SIN3B: variants seen among roughly 807,000 people sequenced by gnomAD.
SIN3B encodes the protein SIN3 transcription regulator family member B.
Under a neutral mutation model 120.2 loss-of-function variants are expected in SIN3B, and 19 were observed. That is an observed-to-expected ratio of 0.16 (90% CI 0.11 to 0.23). The LOEUF (loss-of-function observed/expected upper bound fraction) is 0.23, where lower values mean the gene tolerates loss of function less well. SIN3B is among the 10% of genes least tolerant of loss of function. The probability of loss-of-function intolerance (pLI) is 1.00; values close to 1 mark genes in which losing one functional copy is unlikely to be tolerated. For missense variants in SIN3B, 1,073 were observed against 1,573.0 expected, an observed-to-expected ratio of 0.68 and a Z score of 5.38; for synonymous variants, 654 against 653.2, an observed-to-expected ratio of 1.00 and a Z score of -0.02.
Position 16,865,642 on chromosome 19 carries a change from T to C in SIN3B, c.1616T>C (p.Leu539Pro). 2 of 1,599,160 alleles carry C rather than the reference T, an allele frequency of 1.3e-6. No homozygotes were observed. The stretch of plus-strand genomic sequence containing the variant: ...CCTGTCACCGCTGTCCCCGTTGTCC[T>C]GAAAAGGTGCCCTGTGGCGTCCCGA... The part of the protein sequence containing the change: ...KNPVTAVPVV[L>P]KRLKAKEEEW... The change falls in exon 11 of 19, where the codon CTG becomes CCG. Residue 539 changes from leucine (L) to proline (P), a missense_variant. By Grantham distance (98) the Leu-to-Pro change is moderately conservative. This residue lies in a region of SIN3B where 118 missense variants were observed against 281.6 expected (regional missense o/e 0.42). Coordinates refer to ENST00000248054, the MANE Select transcript of SIN3B (RefSeq NM_001297595.2).
intron 5 of SIN3B, among the ~76,000 whole-genome samples, chr19:16,848,472 G>A (rs921546135): frequency 2.9e-4 from 42 of 144,072 alleles, no homozygotes; most frequent in Non-Finnish European, 1.2e-4. Context: ...AGCCATCAGT[G>A]TGTGAAGTTT....
At chr19:16,870,957 C>G (rs1448173778) in intron 13 of SIN3B, among the ~76,000 whole-genome samples, 1 of 152,188 alleles carries the variant, frequency 6.6e-6, no homozygotes, top group Non-Finnish European at 1.5e-5. Flanking sequence ...TCCCCAAGTG[C>G]TGGGATTACA....
At chr19:16,878,413 C>A in intron 18 of SIN3B, 23 bp downstream of exon 18, 1 of 1,600,198 alleles carries the variant, frequency 6.2e-7, no homozygotes, top group Non-Finnish European at 8.5e-7. Context: ...GCCTGGGCTG[C>A]CCCGACATGC....
At chr19:16,872,369 A>G (rs1468955726) in intron 14 of SIN3B, 1 of 151,844 alleles carries the variant, frequency 6.6e-6, no homozygotes, top group Non-Finnish European at 1.5e-5. Context: ...TCATCAACAG[A>G]ACCCCTGCCC....
chr19:16,849,599 T>C (rs1302970723), intron 5 of SIN3B, among the ~76,000 whole-genome samples: 1 of 152,194 alleles, frequency 6.6e-6, no homozygotes, highest in Non-Finnish European at 1.5e-5. Flanking sequence ...TCCATCTAGC[T>C]CAGATGTTCA....
chr19:16,853,887 C>T (rs1460273117), intron 7 of SIN3B, among the ~76,000 whole-genome samples: 1 of 150,480 alleles, frequency 6.6e-6, no homozygotes, highest in Non-Finnish European at 1.5e-5. Flanking sequence ...CTGCATGGAT[C>T]ACGTGCCTGT....
chr19:16,829,494 G>GC lies in SIN3B; in HGVS notation c.75dup (p.Trp26LeufsTer70). On this transcript the variant is annotated frameshift_variant, in exon 1 of 19. Coordinates refer to ENST00000248054, the MANE Select transcript of SIN3B (RefSeq NM_001297595.2). LOFTEE classifies it high-confidence loss of function. ...GCGGGCCGGGGGCTGAGCGGCGCCC[G>GC]CTGGGGTCGCTCGGGCTCCGCAGGC... 8.2e-7 allele frequency: 1 copy of GC among 1,222,550 alleles called. No homozygotes were observed. The highest frequency in any genetic ancestry group is 1.0e-6 in the Non-Finnish European group (1 of 981,794). 75.7% of individuals were successfully genotyped at this position (1,222,550 alleles called of 1,614,324 possible). A position where few individuals can be genotyped will look rare whatever the true frequency, so the allele number is the denominator to read the frequency against.
rs568809814 is a variant in SIN3B at position 16,843,594 on chromosome 19, C to T, written c.582+1626C>T. On this transcript the variant is annotated intron_variant, in intron 4 of 18. Transcript: ENST00000248054. ...TGTGGGGTCATCACATTTAGGAAGG[C>T]GCATCAGAGCAGTCTGTGCAGTGGC... 6.3e-4 allele frequency among the ~76,000 whole-genome samples: 96 copies of T among 152,156 alleles called. 1 individual carries two copies. Among genetic ancestry groups the T allele is most frequent in the African/African-American group, 2.2e-3 (91 of 41,518 alleles).
intron 3 of SIN3B, among the ~76,000 whole-genome samples, chr19:16,839,877 G>A (rs926652260): frequency 2.0e-5 from 3 of 152,054 alleles, no homozygotes; most frequent in South Asian, 2.1e-4. Flanking sequence ...ATTAGCCAGC[G>A]TGGTCGCACG....
At chr19:16,856,317 C>T (rs948590358) in intron 8 of SIN3B, among the ~76,000 whole-genome samples, 2 of 152,142 alleles carry the variant, frequency 1.3e-5, no homozygotes, top group African/African-American at 4.8e-5. Flanking sequence ...TCCTGCACAT[C>T]AGCCCTGTGA....
Position 16,844,190 on chromosome 19 carries a change from A to C in SIN3B, c.582+2222A>C, listed in dbSNP as rs1017968387. On this transcript the variant is annotated intron_variant, in intron 4 of 18. Coordinates refer to ENST00000248054, the MANE Select transcript of SIN3B (RefSeq NM_001297595.2). Reference sequence around the variant, plus strand: ...CAAGGCCCCTGGTGACTCCAGCCTCAGGTTGTCTAGTTTTTTCAAATGTAA... The same window carrying C: ...CAAGGCCCCTGGTGACTCCAGCCTCCGGTTGTCTAGTTTTTTCAAATGTAA... The C allele has an allele frequency of 3.3e-5, 5 of 152,364 alleles. No homozygotes were observed. In the East Asian group the frequency reaches 9.6e-4, roughly 29 times the overall value. 9.4% of individuals were successfully genotyped at this position (152,364 alleles called of 1,614,324 possible).
chr19:16,830,770 G>GCT (rs1451472900), intron 2 of SIN3B, among the ~76,000 whole-genome samples: 1 of 152,186 alleles, frequency 6.6e-6, no homozygotes, highest in Non-Finnish European at 1.5e-5. Context: ...TGGTATTTAT[G>GCT]CATTGCAATT....
chr19:16,842,862 C>A (rs564191468), intron 4 of SIN3B, among the ~76,000 whole-genome samples: 1 of 152,166 alleles, frequency 6.6e-6, no homozygotes, highest in Non-Finnish European at 1.5e-5. Flanking sequence ...ACATATCAGT[C>A]GGAACCAGTA....
chr19:16,853,611 CTG>C (rs1293036494), intron 7 of SIN3B, among the ~76,000 whole-genome samples: 11 of 147,402 alleles, frequency 7.5e-5, no homozygotes, highest in Non-Finnish European at 1.2e-4. Flanking sequence ...CATGCATGGA[CTG>C]TGTGAATTGC....
intron 3 of SIN3B, among the ~76,000 whole-genome samples, chr19:16,836,036 T>C (rs969404244): frequency 6.6e-6 from 1 of 152,164 alleles, no homozygotes; most frequent in Non-Finnish European, 1.5e-5. Context: ...TACTGACAAG[T>C]AGGGAGTGGC....
chr19:16,857,553 G>GTGTGTGTGTGTGTGTGTGTGTGTA (rs66778532), intron 8 of SIN3B, among the ~76,000 whole-genome samples: 15 of 139,544 alleles, frequency 1.1e-4, no homozygotes, highest in East Asian at 8.2e-4. Context: ...GTGTGTGTGT[G>GTGTGTGTGTGTGTGTGTGTGTGTA]TATATATACA....
chr19:16,848,075 G>A (rs570380774), intron 5 of SIN3B, among the ~76,000 whole-genome samples: 3 of 152,312 alleles, frequency 2.0e-5, no homozygotes, highest in South Asian at 2.1e-4. Flanking sequence ...TCGTACCGTG[G>A]ATCAGTGCTC....
chr19:16,842,277 A>C (rs1171968097), intron 4 of SIN3B, among the ~76,000 whole-genome samples: 1 of 151,622 alleles, frequency 6.6e-6, no homozygotes, highest in Admixed American at 6.6e-5. Flanking sequence ...TAATTTTTGT[A>C]ATTTTTGTAG....
chr19:16,835,810 T>A (rs1416830808), intron 3 of SIN3B, among the ~76,000 whole-genome samples: 1 of 152,154 alleles, frequency 6.6e-6, no homozygotes, highest in Admixed American at 6.6e-5. Context: ...TTAGCCACTG[T>A]GCCTGGCCTT....
Sources: gnomAD v4.1 joint callset for allele counts (sites outside exome capture counted in the v4.1 genomes callset) on GRCh38, gnomAD v4.1.1 for gene constraint, gnomAD v4.1.1 regional missense constraint, MANE v1.5 for transcripts, NCBI Gene and HGNC (gene_info 2026-07-23, HGNC 2026-07-21) for gene names.